The following DCP2 variants were observed in gnomAD, a reference collection of about 807,000 sequenced individuals.
DCP2 encodes the protein decapping mRNA 2, also known as m7GpppN-mRNA hydrolase.
In DCP2, 30 loss-of-function variants were observed where a neutral mutation model predicts 56.1. The observed-to-expected ratio is 0.53, with a 90% confidence interval of 0.40 to 0.73. The LOEUF is 0.73. DCP2 is among the 30% of genes least tolerant of loss of function. The pLI is 0.00. For missense variants in DCP2, 533 were observed against 502.7 expected, an observed-to-expected ratio of 1.06 and a Z score of -0.58; for synonymous variants, 197 against 163.3, an observed-to-expected ratio of 1.21 and a Z score of -1.57.
chr5:112,981,358 A>G (rs985722596), intron 1 of DCP2, among the ~76,000 whole-genome samples: 2 of 152,098 alleles, frequency 1.3e-5, no homozygotes, highest in Non-Finnish European at 1.5e-5. Flanking sequence ...ACGAACTTAC[A>G]GTATTTCTTG....
chr5:112,984,605 C>A (rs1044045425), intron 1 of DCP2: 5 of 150,156 alleles, frequency 3.3e-5, no homozygotes, highest in African/African-American at 1.2e-4. Context: ...AGACTTGTGT[C>A]TCCCAAATTG....
chr5:113,001,323 T>G, intron 5 of DCP2, 34 bp from the exon 6 acceptor site: 1 of 1,598,224 alleles, frequency 6.3e-7, no homozygotes, highest in Middle Eastern at 1.7e-4. Flanking sequence ...TTGATAAAAA[T>G]TAACTAAATG....
chr5:113,005,155 T>TGTGTGG (rs971354728), intron 8 of DCP2, among the ~76,000 whole-genome samples: 2 of 150,054 alleles, frequency 1.3e-5, no homozygotes, highest in African/African-American at 2.4e-5. Context: ...CGTGTGGGTG[T>TGTGTGG]GTGTGTGTGT....
chr5:112,992,477 T>A (rs1320436057), intron 3 of DCP2, among the ~76,000 whole-genome samples, 195 bp from the exon 4 acceptor site: 1 of 152,214 alleles, frequency 6.6e-6, no homozygotes, highest in Non-Finnish European at 1.5e-5. Context: ...TGAAGACTTT[T>A]TTTTTTTAAA....
At chr5:113,005,307 A>G (rs1580827589) in intron 8 of DCP2, among the ~76,000 whole-genome samples, 2 of 152,350 alleles carry the variant, frequency 1.3e-5, no homozygotes, top group Middle Eastern at 3.4e-3. Flanking sequence ...AAGAATTCTT[A>G]GAACTCAACA....
At chr5:112,981,733 T>G (rs149531979) in intron 1 of DCP2, among the ~76,000 whole-genome samples, 1 of 152,166 alleles carries the variant, frequency 6.6e-6, no homozygotes, top group African/African-American at 2.4e-5. Flanking sequence ...GGGAAAGAAA[T>G]ATATGCTTTT....
chr5:113,002,252 A>G (rs1749214296), intron 7 of DCP2, among the ~76,000 whole-genome samples: 2 of 151,938 alleles, frequency 1.3e-5, no homozygotes, highest in African/African-American at 4.8e-5. Context: ...GTGAAACCCC[A>G]TCTCTACTAG....
chr5:112,977,282 G>C (rs948043396), intron 1 of DCP2, among the ~76,000 whole-genome samples: 3 of 152,136 alleles, frequency 2.0e-5, no homozygotes, highest in Non-Finnish European at 4.4e-5. Flanking sequence ...GCCGGAGCCT[G>C]GGTCTTAGCG....
At chr5:112,998,633 T>G (rs1240021628) in intron 4 of DCP2, among the ~76,000 whole-genome samples, 1 of 152,184 alleles carries the variant, frequency 6.6e-6, no homozygotes, top group Non-Finnish European at 1.5e-5. Context: ...CGTGACCCCA[T>G]AAAAATTACA....
chr5:113,018,507 G>A lies in DCP2; in HGVS notation c.*5023G>A, dbSNP rs1405604221. The stretch of plus-strand genomic sequence containing the variant: ...GTATTGGTCAAAGGTACTCTGAAGA[G>A]TGAATGCAGAAATCAGTTGGCTGTG... On this transcript the variant is annotated 3_prime_UTR_variant, in exon 11 of 11. Coordinates refer to ENST00000389063, the MANE Select transcript of DCP2 (RefSeq NM_152624.6). 4.6e-5 allele frequency: 7 copies of A among 152,370 alleles called. No homozygotes were observed. The highest frequency in any genetic ancestry group is 3.3e-4 in the Admixed American group (5 of 15,304). The allele number at this position is 152,370 out of a possible 1,614,324, so 9.4% of individuals were successfully genotyped here.
intron 1 of DCP2, among the ~76,000 whole-genome samples, chr5:112,979,261 A>G (rs991670160): frequency 3.3e-5 from 5 of 152,200 alleles, no homozygotes; most frequent in African/African-American, 9.6e-5. Context: ...TGGCTGTAAT[A>G]ATGAAACCAA....
chr5:113,014,630 G>A lies in DCP2; in HGVS notation c.*1146G>A, dbSNP rs1364775854. 1 of 152,614 alleles carries A rather than the reference G, an allele frequency of 6.6e-6. No homozygotes were observed. The highest frequency in any genetic ancestry group is 2.4e-5 in the African/African-American group (1 of 41,442). The allele number at this position is 152,614 out of a possible 1,614,324, so 9.5% of individuals were successfully genotyped here. ...TTTTTAAATTCAAATAAGGATGGCA[G>A]TGCCCATTTTAAGGAGGATTTCAGC... On this transcript the variant is annotated 3_prime_UTR_variant, in exon 11 of 11. Transcript: ENST00000389063.
intron 10 of DCP2, 67 bp from the exon 11 acceptor site, chr5:113,013,254 C>T: frequency 6.7e-7 from 1 of 1,496,352 alleles, no homozygotes. Flanking sequence ...TAACAAAAGG[C>T]AAAGGGCAGT....
chr5:112,984,703 A>AAATATATATATATATATATATATATATAT, intron 1 of DCP2: 16 of 64,840 alleles, frequency 2.5e-4, no homozygotes, highest in Non-Finnish European at 2.7e-4. Context: ...AAAAAAAAAA[A>AAATATATATATATATATATATATATATAT]ATATATATAT....
At position 112,985,098 on chromosome 5, in the gene DCP2, A is replaced by G. The variant is rs1314659664; in HGVS notation, c.54-737A>G. Among the ~76,000 whole-genome samples the G allele has an allele frequency of 4.6e-5, 7 of 152,160 alleles. No individual in the cohort carries two copies. The East Asian group carries it at 1.3e-3, about 29-fold the overall frequency. On this transcript the variant is annotated intron_variant, in intron 1 of 10. Coordinates refer to ENST00000389063, the MANE Select transcript of DCP2 (RefSeq NM_152624.6). Reference sequence around the variant, plus strand: ...AAAAGGATTACCAAAAATGCTTAACATTGGAAAAAATAAGTGATAGCTGCT... The same window carrying G: ...AAAAGGATTACCAAAAATGCTTAACGTTGGAAAAAATAAGTGATAGCTGCT...
chr5:113,001,426 G>T lies in DCP2; in HGVS notation c.655G>T (p.Gly219Cys). 6.2e-7 allele frequency: 1 copy of T among 1,613,926 alleles called. No individual in the cohort carries two copies. Among genetic ancestry groups the T allele is most frequent in the Non-Finnish European group, 8.5e-7 (1 of 1,179,982 alleles). ...RNDMTPKSKLGLAPNKFFMAI... is the reference protein window; with the variant it reads ...RNDMTPKSKLCLAPNKFFMAI... The stretch of plus-strand genomic sequence containing the variant: ...TGATATGACCCCCAAATCCAAACTT[G>T]GTTTGGCACCTAACAAATTTTTTAT... The change falls in exon 6 of 11, where the codon GGT becomes TGT. Residue 219 changes from glycine to cysteine, a missense_variant. Coordinates refer to ENST00000389063, the MANE Select transcript of DCP2 (RefSeq NM_152624.6).
At chr5:112,984,077 T>C (rs565443409) in intron 1 of DCP2, 1 of 152,262 alleles carries the variant, frequency 6.6e-6, no homozygotes, top group African/African-American at 2.4e-5. Flanking sequence ...CAGGGAACTA[T>C]AGGATGCTTG....
At chr5:112,998,623 C>T (rs992253811) in intron 4 of DCP2, among the ~76,000 whole-genome samples, 3 of 152,156 alleles carry the variant, frequency 2.0e-5, no homozygotes, top group East Asian at 1.9e-4. Context: ...AACATAGCTA[C>T]GTGACCCCAT....
At chr5:112,984,703 A>AAAAAAAAAAATATATATATATAT in intron 1 of DCP2, 2 of 64,854 alleles carry the variant, frequency 3.1e-5, no homozygotes, top group African/African-American at 1.6e-4. Flanking sequence ...AAAAAAAAAA[A>AAAAAAAAAAATATATATATATAT]ATATATATAT....
Sources: allele counts gnomAD v4.1 joint callset (sites outside exome capture counted in the v4.1 genomes callset), GRCh38; gene constraint gnomAD v4.1.1; transcripts MANE v1.5; gene names NCBI Gene and HGNC (gene_info 2026-07-23, HGNC 2026-07-21).